SP100: variants seen among roughly 807,000 people sequenced by gnomAD.
SP100 encodes the protein nuclear autoantigen Sp-100.
In SP100, 84 loss-of-function variants were observed where a neutral mutation model predicts 130.0. The ratio of observed to expected loss-of-function variants is 0.65; its 90% CI spans 0.54 to 0.77. The LOEUF is 0.77. SP100 is among the 30% of genes least tolerant of loss of function. The pLI is 0.00. For synonymous variants in SP100, 331 were observed against 351.7 expected (o/e 0.94, Z 0.66); for missense variants, 978 against 1,052.2 (o/e 0.93, Z 0.97).
At chr2:230,419,834 G>A (rs2062718958) in intron 2 of SP100, among the ~76,000 whole-genome samples, 1 of 152,136 alleles carries the variant, frequency 6.6e-6, no homozygotes, top group Non-Finnish European at 1.5e-5. Context: ...GGATAGAAGG[G>A]AACTAGTGTG....
At chr2:230,419,611 C>A (rs1163520067) in intron 2 of SP100, among the ~76,000 whole-genome samples, 1 of 152,166 alleles carries the variant, frequency 6.6e-6, no homozygotes, top group Non-Finnish European at 1.5e-5. Flanking sequence ...TTAATATCTA[C>A]AGTATGATGT....
chr2:230,459,220 G>A (rs2064449536), intron 8 of SP100, among the ~76,000 whole-genome samples: 1 of 152,164 alleles, frequency 6.6e-6, no homozygotes, highest in Non-Finnish European at 1.5e-5. Context: ...ATGAGTTAAA[G>A]GACAATGAAT....
intron 24 of SP100, among the ~76,000 whole-genome samples, chr2:230,512,276 CTTTTTTTTTTTTTTTTTTTT>C (rs34753799): frequency 1.3e-5 from 1 of 76,068 alleles, no homozygotes; most frequent in Non-Finnish European, 2.4e-5. Flanking sequence ...ATTGAAATGC[CTTTTTTTTTTTTTTTTTTTT>C]TTTTTTTTTT....
At chr2:230,457,492 A>G (rs2064341486) in intron 8 of SP100, among the ~76,000 whole-genome samples, 1 of 152,162 alleles carries the variant, frequency 6.6e-6, no homozygotes, top group Non-Finnish European at 1.5e-5. Context: ...GGTACTGGCT[A>G]GAGTCTGGGG....
chr2:230,479,399 T>C (rs2065725198), intron 17 of SP100, among the ~76,000 whole-genome samples: 1 of 152,240 alleles, frequency 6.6e-6, no homozygotes, highest in Non-Finnish European at 1.5e-5. Flanking sequence ...TTCTTTTATC[T>C]CAAAATACTG....
intron 8 of SP100, among the ~76,000 whole-genome samples, chr2:230,453,328 A>G (rs1364006098): frequency 6.6e-6 from 1 of 152,274 alleles, no homozygotes; most frequent in South Asian, 2.1e-4. Flanking sequence ...TATGGGAACT[A>G]CAATTCAAGA....
At chr2:230,424,828 G>T (rs1321606409) in intron 2 of SP100, among the ~76,000 whole-genome samples, 1 of 151,798 alleles carries the variant, frequency 6.6e-6, no homozygotes, top group Non-Finnish European at 1.5e-5. Flanking sequence ...GTTTCCCCAG[G>T]GAAGTTTTAT....
At chr2:230,453,208 A>G (rs746131497) in intron 8 of SP100, among the ~76,000 whole-genome samples, 4 of 152,146 alleles carry the variant, frequency 2.6e-5, no homozygotes, top group Non-Finnish European at 4.4e-5. Flanking sequence ...TTCCTTATAA[A>G]ACCATCAGAT....
chr2:230,468,340 G>C (rs2065065922), intron 13 of SP100, among the ~76,000 whole-genome samples: 1 of 152,144 alleles, frequency 6.6e-6, no homozygotes, highest in Admixed American at 6.5e-5. Flanking sequence ...AAATACCCTA[G>C]TAGGATCCAG....
intron 24 of SP100, chr2:230,538,464 C>A (rs1692036517): frequency 6.6e-6 from 1 of 152,146 alleles, no homozygotes; most frequent in Non-Finnish European, 1.5e-5. Context: ...GCTCAGGCAC[C>A]CCCCTTGGAG....
At chr2:230,435,685 C>T (rs150939777) in intron 2 of SP100, among the ~76,000 whole-genome samples, 1 of 152,240 alleles carries the variant, frequency 6.6e-6, no homozygotes, top group African/African-American at 2.4e-5. Flanking sequence ...GACAAGCATT[C>T]ACTAGCTCTT....
intron 24 of SP100, among the ~76,000 whole-genome samples, chr2:230,518,609 A>G (rs1691031621): frequency 6.6e-6 from 1 of 151,930 alleles, no homozygotes; most frequent in Admixed American, 6.6e-5. Context: ...TATAAATTAC[A>G]TTAAAAGTTT....
intron 19 of SP100, among the ~76,000 whole-genome samples, chr2:230,500,185 A>G (rs779995335): frequency 6.6e-6 from 1 of 152,188 alleles, no homozygotes; most frequent in Non-Finnish European, 1.5e-5. Context: ...TGACCATATT[A>G]TTATTTTACA....
At chr2:230,506,770 G>T in intron 22 of SP100, 2 of 209,278 alleles carry the variant, frequency 9.6e-6, no homozygotes, top group Non-Finnish European at 1.9e-5. Context: ...TTCGGGGGAG[G>T]TAAATGTTAA....
chr2:230,469,342 G>T (rs897912017), intron 14 of SP100: 12 of 518,506 alleles, frequency 2.3e-5, no homozygotes, highest in Non-Finnish European at 4.4e-5. Flanking sequence ...TAGTTCCTGA[G>T]TAGAGGGGGT....
chr2:230,541,544 G>C (rs1678149), intron 27 of SP100, among the ~76,000 whole-genome samples, 172 bp downstream of exon 27: 1 of 152,210 alleles, frequency 6.6e-6, no homozygotes, highest in East Asian at 1.9e-4. Flanking sequence ...TTTTTCTCAC[G>C]GTCCCGGAGG....
At chr2:230,464,380 T>C (rs1228604999) in intron 11 of SP100, among the ~76,000 whole-genome samples, 1 of 152,216 alleles carries the variant, frequency 6.6e-6, no homozygotes, top group Non-Finnish European at 1.5e-5. Context: ...GATTGATACA[T>C]TGAAAATGTA....
chr2:230,451,880 A>G (rs1039779792), intron 8 of SP100, among the ~76,000 whole-genome samples: 1 of 152,214 alleles, frequency 6.6e-6, no homozygotes, highest in East Asian at 1.9e-4. Flanking sequence ...TCCCAACACC[A>G]TTTATTAAAG....
rs772197226 is a variant in SP100 at position 230,446,895 on chromosome 2, T to C, written c.516T>C (p.Leu172=). ...AGAGGTCTGGCCTCCAACTAAGTCT[T>C]GAACAAGGTAAAAATGACAGAATAA... ...REERSGLQLS[L]EQGTGENSFR... Residue 172 remains leucine, a synonymous_variant, in exon 5 of 29, where the codon CTT becomes CTC. Coordinates refer to ENST00000340126, the MANE Select transcript of SP100 (RefSeq NM_001080391.2). 6 of 1,601,822 alleles carry C rather than the reference T, an allele frequency of 3.7e-6. No homozygotes were observed. In the East Asian group the frequency reaches 1.3e-4, roughly 36 times the overall value.
Sources: allele counts gnomAD v4.1 joint callset (sites outside exome capture counted in the v4.1 genomes callset), GRCh38; gene constraint gnomAD v4.1.1; transcripts MANE v1.5; gene names NCBI Gene and HGNC (gene_info 2026-07-23, HGNC 2026-07-21).